Variants in ZEB1 observed in about 807,000 individuals in gnomAD.
ZEB1 encodes zinc finger E-box-binding homeobox 1.
A neutral mutation model predicts 84.9 loss-of-function variants in ZEB1; 21 were observed. That is an observed-to-expected ratio of 0.25 (90% CI 0.18 to 0.36). The LOEUF (loss-of-function observed/expected upper bound fraction) is 0.36. ZEB1 is among the 10% of genes least tolerant of loss of function. The pLI, the probability that ZEB1 is intolerant of heterozygous loss-of-function variation, is 1.00. For synonymous variants in ZEB1, 420 were observed against 471.1 expected (o/e 0.89, Z 1.41); for missense variants, 1,104 against 1,330.2 (o/e 0.83, Z 2.65).
At chr10:31,522,074 T>A in intron 7 of ZEB1, 138 bp downstream of exon 7, 1 of 1,337,526 alleles carries the variant, frequency 7.5e-7, no homozygotes, top group South Asian at 1.3e-5. Flanking sequence ...GATCAATGTT[T>A]GCTTTAACTT....
intron 1 of ZEB1, among the ~76,000 whole-genome samples, chr10:31,419,886 G>A (rs1381581250): frequency 2.0e-5 from 3 of 152,172 alleles, no homozygotes; most frequent in African/African-American, 7.2e-5. Context: ...TGGGTAACCA[G>A]AGCTGAGTAG....
chr10:31,443,659 G>C, intron 1 of ZEB1, among the ~76,000 whole-genome samples: 1 of 146,594 alleles, frequency 6.8e-6, no homozygotes, highest in South Asian at 2.1e-4. Flanking sequence ...GAGAATATGC[G>C]GTGTTTGGTT....
intron 2 of ZEB1, among the ~76,000 whole-genome samples, chr10:31,492,438 C>T (rs2066663788): frequency 6.6e-6 from 1 of 151,812 alleles, no homozygotes; most frequent in African/African-American, 2.4e-5. Context: ...TTCAGTAGGA[C>T]CGGCGTATTA....
At chr10:31,441,103 A>G (rs2058910155) in intron 1 of ZEB1, among the ~76,000 whole-genome samples, 3 of 152,208 alleles carry the variant, frequency 2.0e-5, no homozygotes, top group Admixed American at 2.0e-4. Context: ...TGCCAAGACA[A>G]TCCTAAGCCA....
At chr10:31,461,578 A>G (rs1056637750) in intron 2 of ZEB1, among the ~76,000 whole-genome samples, 1 of 152,196 alleles carries the variant, frequency 6.6e-6, no homozygotes, top group African/African-American at 2.4e-5. Flanking sequence ...TCATATAGAT[A>G]TAGTGAAATT....
At chr10:31,319,144 G>A, upstream of ZEB1, 2 of 858,720 alleles carry the variant, frequency 2.3e-6, no homozygotes, top group East Asian at 5.9e-5. Flanking sequence ...GTGCGGTGGG[G>A]AGGGGGGAGG....
At chr10:31,333,450 C>T (rs189209361) in intron 1 of ZEB1, among the ~76,000 whole-genome samples, 18 of 152,004 alleles carry the variant, frequency 1.2e-4, no homozygotes, top group Non-Finnish European at 2.5e-4. Flanking sequence ...TAGTTTCAGA[C>T]AGACATTATA....
chr10:31,528,057 A>G lies in ZEB1; in HGVS notation c.*793A>G, dbSNP rs2073789711. The G allele has an allele frequency of 6.6e-6, 1 of 152,168 alleles. No homozygotes were observed. Among genetic ancestry groups the G allele is most frequent in the African/African-American group, 2.4e-5 (1 of 41,446 alleles). 9.4% of individuals were successfully genotyped at this position (152,168 alleles called of 1,614,324 possible). ...AAAATCATCAGAATCAGTGTTTGTG[A>G]TTGTGTTTGAATATGTGGTAACATA... On this transcript the variant is annotated 3_prime_UTR_variant, in exon 9 of 9. Coordinates refer to ENST00000424869, the MANE Select transcript of ZEB1 (RefSeq NM_001174096.2).
intron 2 of ZEB1, among the ~76,000 whole-genome samples, chr10:31,493,688 T>G (rs1308354925): frequency 6.6e-6 from 1 of 151,982 alleles, no homozygotes; most frequent in Admixed American, 6.6e-5. Context: ...GAAAGGAGCC[T>G]ATCCCAAGGC....
intron 1 of ZEB1, among the ~76,000 whole-genome samples, chr10:31,413,886 TCTAA>T (rs2054737749): frequency 6.6e-6 from 1 of 152,210 alleles, no homozygotes; most frequent in Admixed American, 6.5e-5. Flanking sequence ...AATCTGTGTT[TCTAA>T]CTGACCCTAA....
chr10:31,521,574 T>C lies in ZEB1; in HGVS notation c.2242T>C (p.Leu748=), dbSNP rs117534296. Residue 748 remains leucine (L), a synonymous_variant, in exon 7 of 9, where the codon TTA becomes CTA. Coordinates refer to ENST00000424869, the MANE Select transcript of ZEB1 (RefSeq NM_001174096.2). ...ACTACCAAAGCAACAGGGAGAATTA[T>C]TAGAAAGGTCAACTATCACTAGTGT... ...LSLPKQQGEL[L]ERSTITSVYQ... The C allele has an allele frequency of 1.7e-4, 280 of 1,614,112 alleles. 2 individuals are homozygous for C. In the East Asian group the frequency reaches 4.8e-3, roughly 28 times the overall value.
intron 1 of ZEB1, among the ~76,000 whole-genome samples, chr10:31,387,982 C>A (rs2048939250): frequency 6.6e-6 from 1 of 152,130 alleles, no homozygotes. Flanking sequence ...AAATTAATGT[C>A]TGTGCTTTAC....
intron 2 of ZEB1, among the ~76,000 whole-genome samples, chr10:31,475,479 C>T (rs2064006160): frequency 6.6e-6 from 1 of 152,008 alleles, no homozygotes; most frequent in Non-Finnish European, 1.5e-5. Flanking sequence ...ATTAACATGA[C>T]CAAGGCATAT....
At chr10:31,394,669 G>A (rs886592406) in intron 1 of ZEB1, among the ~76,000 whole-genome samples, 4 of 152,268 alleles carry the variant, frequency 2.6e-5, no homozygotes, top group African/African-American at 7.2e-5. Context: ...GAAGCATTAC[G>A]ATTATGAGAT....
At chr10:31,371,049 G>A (rs191123264) in intron 1 of ZEB1, among the ~76,000 whole-genome samples, 1 of 152,094 alleles carries the variant, frequency 6.6e-6, no homozygotes, top group Admixed American at 6.6e-5. Context: ...TGGATGAGTA[G>A]AATATATTTA....
chr10:31,389,720 G>T (rs2049275398), intron 1 of ZEB1: 1 of 151,800 alleles, frequency 6.6e-6, no homozygotes, highest in Non-Finnish European at 1.5e-5. Flanking sequence ...GTTCTTAATG[G>T]CCATATTAAG....
rs898576787 is a variant in ZEB1, at chr10:31,529,629, C to T, written c.*2365C>T. ...GGGTGCCTGGCATAAGTTGGGACAA[C>T]AGATATTTGTTGAATAAAAATATAA... On this transcript the variant is annotated 3_prime_UTR_variant, in exon 9 of 9. Transcript: ENST00000424869. 1 of 152,190 alleles carries T rather than the reference C, an allele frequency of 6.6e-6. No homozygotes were observed. The highest frequency in any genetic ancestry group is 1.5e-5 in the Non-Finnish European group (1 of 68,034). The allele number at this position is 152,190 out of a possible 1,614,324, so 9.4% of individuals were successfully genotyped here.
intron 2 of ZEB1, among the ~76,000 whole-genome samples, chr10:31,468,069 A>T (rs995203496): frequency 6.6e-6 from 1 of 151,936 alleles, no homozygotes; most frequent in African/African-American, 2.4e-5. Flanking sequence ...CTCTTGTGGC[A>T]CAGAAGAGGT....
chr10:31,454,938 A>C (rs2061021803), intron 1 of ZEB1, among the ~76,000 whole-genome samples: 1 of 152,244 alleles, frequency 6.6e-6, no homozygotes, highest in Non-Finnish European at 1.5e-5. Flanking sequence ...GAACCAAAAA[A>C]GAGCCCACAT....
Sources: gnomAD v4.1 joint callset for allele counts (sites outside exome capture counted in the v4.1 genomes callset) on GRCh38, gnomAD v4.1.1 for gene constraint, MANE v1.5 for transcripts, NCBI Gene and HGNC (gene_info 2026-07-23, HGNC 2026-07-21) for gene names.